The following IPO7 variants were observed in gnomAD, a reference collection of about 807,000 sequenced individuals.
IPO7 encodes importin 7.
A neutral mutation model predicts 136.4 loss-of-function variants in IPO7; 13 were observed. The observed-to-expected ratio is 0.10, with a 90% CI of 0.06 to 0.15. The LOEUF (loss-of-function observed/expected upper bound fraction) is 0.15, where lower values mean the gene tolerates loss of function less well. Among genes scored for constraint, IPO7 ranks in the 10% least tolerant of loss-of-function variants. The probability of loss-of-function intolerance (pLI) is 1.00; values close to 1 mark genes in which losing one functional copy is unlikely to be tolerated. For synonymous variants in IPO7, 403 were observed against 404.4 expected (o/e 1.00, Z 0.04); for missense variants, 857 against 1,240.6 (o/e 0.69, Z 4.65).
chr11:9,406,254 C>T (rs1854885982), intron 2 of IPO7, among the ~76,000 whole-genome samples: 1 of 151,750 alleles, frequency 6.6e-6, no homozygotes, highest in Non-Finnish European at 1.5e-5. Flanking sequence ...CCTCTCGCCT[C>T]AGCCTTCCAA....
At chr11:9,430,176 C>T (rs1166750816) in intron 15 of IPO7, among the ~76,000 whole-genome samples, 2 of 152,168 alleles carry the variant, frequency 1.3e-5, no homozygotes, top group Non-Finnish European at 2.9e-5. Context: ...AGGCCATGGA[C>T]CGGTACCAGT....
intron 3 of IPO7, 31 bp downstream of exon 3, chr11:9,408,670 C>A: frequency 2.3e-6 from 3 of 1,288,392 alleles, no homozygotes; most frequent in Non-Finnish European, 2.1e-6. Context: ...CCCATTTCTG[C>A]AGGTGTGTAA....
In IPO7 at chr11:9,445,191, T is replaced by C. The variant is rs1458427402; in HGVS notation, c.3114T>C (p.Asn1038=). 4 of 1,564,038 alleles carry C rather than the reference T, an allele frequency of 2.6e-6. No homozygotes were observed. The African/African-American group carries it at 4.1e-5, about 16-fold the overall frequency. The change falls in exon 25 of 25, where the codon AAT becomes AAC. Residue 1038 remains asparagine (N), a synonymous_variant. Transcript: ENST00000379719. The part of the protein sequence containing the change: ...FNFGGPAPGM[N] The stretch of plus-strand genomic sequence containing the variant: ...TTGGAGGCCCAGCACCAGGGATGAA[T>C]TGAGTTATCTCTTTCTTTCCTGCTG...
intron 16 of IPO7, among the ~76,000 whole-genome samples, chr11:9,432,877 A>G (rs1303395511): frequency 6.6e-6 from 1 of 152,284 alleles, no homozygotes; most frequent in Non-Finnish European, 1.5e-5. Flanking sequence ...ATTCGTAGCA[A>G]TAATGCCTTC....
intron 24 of IPO7, 101 bp downstream of exon 24, chr11:9,442,298 G>C (rs537168849): frequency 5.5e-6 from 3 of 543,864 alleles, no homozygotes; most frequent in Admixed American, 3.5e-5. Context: ...CATTTAAGAT[G>C]ATATAAAAGG....
chr11:9,403,918 G>T (rs949813463), intron 2 of IPO7, among the ~76,000 whole-genome samples: 34 of 152,090 alleles, frequency 2.2e-4, no homozygotes, highest in African/African-American at 8.0e-4. Context: ...CTGGAGTGCA[G>T]TGGTGCGAAC....
intron 1 of IPO7, among the ~76,000 whole-genome samples, chr11:9,392,970 C>G (rs1158600607): frequency 6.9e-6 from 1 of 145,872 alleles, no homozygotes; most frequent in African/African-American, 2.6e-5. Flanking sequence ...AAAAAAGTTA[C>G]GGGTTTGAAG....
intron 1 of IPO7, among the ~76,000 whole-genome samples, chr11:9,401,939 C>A (rs1355246408): frequency 1.3e-5 from 2 of 152,222 alleles, no homozygotes; most frequent in African/African-American, 4.8e-5. Context: ...AATCCGCCTG[C>A]CTTGGCCTCC....
intron 10 of IPO7, 105 bp from the exon 11 acceptor site, chr11:9,424,809 G>T (rs1855181194): frequency 5.4e-6 from 4 of 738,394 alleles, no homozygotes; most frequent in Non-Finnish European, 9.2e-6. Flanking sequence ...AATTATAAAG[G>T]GATCTGGGAT....
chr11:9,387,655 A>G (rs1047160489), intron 1 of IPO7, among the ~76,000 whole-genome samples: 1 of 152,126 alleles, frequency 6.6e-6, no homozygotes, highest in Admixed American at 6.5e-5. Context: ...AACATGGAGA[A>G]ACCCCATCTC....
chr11:9,406,690 G>A (rs1032755766), intron 2 of IPO7, among the ~76,000 whole-genome samples: 1 of 152,078 alleles, frequency 6.6e-6, no homozygotes, highest in African/African-American at 2.4e-5. Flanking sequence ...GGTCAACATG[G>A]TGAAACCCTG....
chr11:9,437,319 GCGATCTCAGCTCAC>G (rs1855392238), intron 20 of IPO7, among the ~76,000 whole-genome samples: 2 of 131,678 alleles, frequency 1.5e-5, no homozygotes, highest in Admixed American at 7.9e-5. Context: ...GTGCAGTGGC[GCGATCTCAGCTCAC>G]TGCCTCTGCC....
chr11:9,444,973 A>G lies in IPO7; in HGVS notation c.3020-124A>G, dbSNP rs548023587. 56 of 651,886 alleles carry G rather than the reference A, an allele frequency of 8.6e-5. No homozygotes were observed. In the African/African-American group the frequency reaches 8.7e-4, roughly 10 times the overall value. The allele number at this position is 651,886 out of a possible 1,614,324, so 40.4% of individuals were successfully genotyped here. ...CTTGCCCTTATACATTGGAGAAATC[A>G]TGGATTTTGGAACTTCCTGGCCACT... On this transcript the variant is annotated intron_variant, in intron 24 of 24. Coordinates refer to ENST00000379719, the MANE Select transcript of IPO7 (RefSeq NM_006391.3).
chr11:9,444,510 G>A (rs1394199435), intron 24 of IPO7, among the ~76,000 whole-genome samples: 1 of 151,568 alleles, frequency 6.6e-6, no homozygotes, highest in Non-Finnish European at 1.5e-5. Flanking sequence ...TTGCAGGCAC[G>A]CACCACCACA....
At chr11:9,384,939 C>A in intron 1 of IPO7, 92 bp downstream of exon 1, 2 of 961,492 alleles carry the variant, frequency 2.1e-6, no homozygotes, top group East Asian at 2.7e-5. Flanking sequence ...GCGCGGACGA[C>A]GTCGTTGAGG....
At chr11:9,418,161 C>T (rs1855068983) in intron 6 of IPO7, among the ~76,000 whole-genome samples, 1 of 151,862 alleles carries the variant, frequency 6.6e-6, no homozygotes, top group African/African-American at 2.4e-5. Flanking sequence ...ACCTCTGCCT[C>T]CCAGGTTCAA....
At chr11:9,442,582 T>A (rs1274816198) in intron 24 of IPO7, among the ~76,000 whole-genome samples, 2 of 152,128 alleles carry the variant, frequency 1.3e-5, no homozygotes, top group East Asian at 3.9e-4. Context: ...CCTGGCTAAT[T>A]TTTTGTATTT....
At chr11:9,422,428 A>G (rs1485541019) in intron 8 of IPO7, among the ~76,000 whole-genome samples, 1 of 152,000 alleles carries the variant, frequency 6.6e-6, no homozygotes, top group East Asian at 1.9e-4. Context: ...TTAAAAAAAG[A>G]CAATATCATT....
Position 9,442,155 on chromosome 11 carries a change from C to A in IPO7, c.2977C>A (p.Gln993Lys). The A allele has an allele frequency of 6.2e-7, 1 of 1,605,174 alleles. No homozygotes were observed. The highest frequency in any genetic ancestry group is 8.5e-7 in the Non-Finnish European group (1 of 1,172,042). Residue 993 changes from glutamine (Q) to lysine (K), a missense_variant, in exon 24 of 25, where the codon CAG becomes AAG. Gln to Lys is a moderately conservative substitution (Grantham distance 53, BLOSUM62 1). Coordinates refer to ENST00000379719, the MANE Select transcript of IPO7 (RefSeq NM_006391.3). ...TAATGAAGAACAAAGAAAACAGTTA[C>A]AGGACATAGCAACTCTGGCTGATCA... ...GLNEEQRKQL[Q>K]DIATLADQRR...
Sources: gnomAD v4.1 joint callset for allele counts (sites outside exome capture counted in the v4.1 genomes callset) on GRCh38, gnomAD v4.1.1 for gene constraint, MANE v1.5 for transcripts, NCBI Gene and HGNC (gene_info 2026-07-23, HGNC 2026-07-21) for gene names.